MGA: variants seen among roughly 807,000 people sequenced by gnomAD.
MGA encodes the protein MAX gene-associated protein.
Under a neutral mutation model 261.1 loss-of-function variants are expected in MGA, and 40 were observed. That is an observed-to-expected ratio of 0.15 (90% CI 0.12 to 0.20). The LOEUF is 0.20. Among genes scored for constraint, MGA ranks in the 10% least tolerant of loss-of-function variants. MGA has a pLI of 1.00. For synonymous variants in MGA, 1,302 were observed against 1,290.6 expected, an observed-to-expected ratio of 1.01 and a Z score of -0.19; for missense variants, 3,397 against 3,630.5, an observed-to-expected ratio of 0.94 and a Z score of 1.65.
rs533893421 is a variant in MGA, at chr15:41,683,826, C to T, written c.1065-12249C>T. Among the ~76,000 whole-genome samples the T allele has an allele frequency of 6.3e-4, 96 of 152,048 alleles. 1 individual carries two copies. The highest frequency in any genetic ancestry group is 2.3e-3 in the African/African-American group (94 of 41,482). On this transcript the variant is annotated intron_variant, in intron 2 of 23. Transcript: ENST00000219905. ...GAACTCCTGAGCTCAAGCAATCTGCCCGTCTTGACCTCACAAACTGCTGGG... is the reference window on the plus strand; with the variant it reads ...GAACTCCTGAGCTCAAGCAATCTGCTCGTCTTGACCTCACAAACTGCTGGG...
intron 2 of MGA, among the ~76,000 whole-genome samples, chr15:41,677,141 C>G (rs566124371): frequency 7.2e-5 from 11 of 152,200 alleles, no homozygotes; most frequent in African/African-American, 2.6e-4. Flanking sequence ...AATGGAGTTA[C>G]GAATTCTTTT....
At chr15:41,763,697 C>T (rs1043630562) in intron 22 of MGA, among the ~76,000 whole-genome samples, 1 of 151,710 alleles carries the variant, frequency 6.6e-6, no homozygotes, top group Non-Finnish European at 1.5e-5. Context: ...GAGCTGAGAT[C>T]ACACCATTGC....
chr15:41,748,265 A>C (rs76522043), intron 15 of MGA, among the ~76,000 whole-genome samples: 1 of 151,606 alleles, frequency 6.6e-6, no homozygotes, highest in African/African-American at 2.4e-5. Flanking sequence ...AAAAAAAAAA[A>C]ATATAGACTG....
intron 9 of MGA, among the ~76,000 whole-genome samples, chr15:41,726,194 A>T (rs188966052): frequency 2.6e-5 from 4 of 152,268 alleles, no homozygotes; most frequent in African/African-American, 7.2e-5. Flanking sequence ...CTCTGGAGCC[A>T]GATAGACAGG....
intron 1 of MGA, among the ~76,000 whole-genome samples, chr15:41,624,733 G>T (rs1466283626): frequency 1.3e-5 from 2 of 152,162 alleles, no homozygotes; most frequent in Non-Finnish European, 2.9e-5. Context: ...GCCTCCTAAA[G>T]TGCTGGGATT....
chr15:41,704,573 G>T (rs1247420517), intron 5 of MGA, among the ~76,000 whole-genome samples: 6 of 152,178 alleles, frequency 3.9e-5, no homozygotes, highest in Non-Finnish European at 1.5e-5. Context: ...CAGGAGAATG[G>T]CTTGAACCTG....
chr15:41,683,419 A>G (rs2058778004), intron 2 of MGA, among the ~76,000 whole-genome samples: 1 of 151,918 alleles, frequency 6.6e-6, no homozygotes, highest in Non-Finnish European at 1.5e-5. Flanking sequence ...TTTTGTAGAT[A>G]CAAGGTCTCA....
At position 41,760,400 on chromosome 15, in the gene MGA, T is replaced by C; in HGVS notation, c.7269T>C (p.Tyr2423=). 6.2e-7 allele frequency: 1 copy of C among 1,614,020 alleles called. No homozygotes were observed. Among genetic ancestry groups the C allele is most frequent in the South Asian group, 1.1e-5 (1 of 91,080 alleles). ...AGAAAGAAGCAGAAGCGTTTGCTTA[T>C]TATCGCCGGACACACACTGCCAATG... The change falls in exon 20 of 24, where the codon TAT becomes TAC. Residue 2423 remains tyrosine, a synonymous_variant. Transcript: ENST00000219905.
chr15:41,660,122 G>C (rs1193726822), upstream of MGA, among the ~76,000 whole-genome samples: 2 of 152,252 alleles, frequency 1.3e-5, no homozygotes, highest in African/African-American at 4.8e-5. Context: ...TGGTTTCACA[G>C]TTTCCACGAA....
At chr15:41,710,662 T>TTA in intron 7 of MGA, 29 bp from the exon 8 acceptor site, 1 of 1,559,816 alleles carries the variant, frequency 6.4e-7, no homozygotes, top group Non-Finnish European at 8.7e-7. Context: ...CTAGATTTCT[T>TTA]TAAGCATTTT....
intron 1 of MGA, among the ~76,000 whole-genome samples, chr15:41,668,595 A>G (rs1260887344): frequency 6.6e-6 from 1 of 152,196 alleles, no homozygotes; most frequent in African/African-American, 2.4e-5. Context: ...TTAGAGGATT[A>G]GGATATAAGC....
Position 41,708,222 on chromosome 15 carries a change from T to C in MGA, c.2425+14T>C. ...CTAGGAATGAAGGTAATTAGTTTTT[T>C]AAAATTTTTTAAATGTTCTGAAACA... On this transcript the variant is annotated intron_variant, in intron 7 of 23. Coordinates refer to ENST00000219905, the MANE Select transcript of MGA (RefSeq NM_001164273.2). The C allele has an allele frequency of 6.7e-7, 1 of 1,500,384 alleles. No individual in the cohort carries two copies. Among genetic ancestry groups the C allele is most frequent in the South Asian group, 1.3e-5 (1 of 79,638 alleles). 92.9% of individuals were successfully genotyped at this position (1,500,384 alleles called of 1,614,324 possible).
At chr15:41,697,099 G>T in intron 3 of MGA, 76 bp downstream of exon 3, 3 of 1,203,990 alleles carry the variant, frequency 2.5e-6, no homozygotes, top group Non-Finnish European at 3.4e-6. Context: ...TAAGTAACTC[G>T]ATTTACAATC....
At position 41,766,672 on chromosome 15, in the gene MGA, A is replaced by G. The variant is rs1430141958; in HGVS notation, c.8590A>G (p.Ile2864Val). The G allele has an allele frequency of 6.2e-7, 1 of 1,613,964 alleles. No homozygotes were observed. The highest frequency in any genetic ancestry group is 8.5e-7 in the Non-Finnish European group (1 of 1,179,886). ...CCCAGGGGATGCTCGGCGGGCTTTTATTAGTAAGGTTCCTCCTGGAAGCAG... is the reference window on the plus strand; with the variant it reads ...CCCAGGGGATGCTCGGCGGGCTTTTGTTAGTAAGGTTCCTCCTGGAAGCAG... Residue 2864 changes from isoleucine (I) to valine (V), a missense_variant, in exon 24 of 24, where the codon ATT becomes GTT. Coordinates refer to ENST00000219905, the MANE Select transcript of MGA (RefSeq NM_001164273.2).
At chr15:41,684,363 CTGT>C (rs2058834711) in intron 2 of MGA, 1 of 450,556 alleles carries the variant, frequency 2.2e-6, no homozygotes, top group Non-Finnish European at 4.4e-6. Context: ...TTTTAATTAA[CTGT>C]TGTTTGTAAT....
intron 14 of MGA, among the ~76,000 whole-genome samples, chr15:41,741,146 A>C (rs1215099380): frequency 6.6e-6 from 1 of 152,142 alleles, no homozygotes; most frequent in Non-Finnish European, 1.5e-5. Flanking sequence ...CAAGAGATAG[A>C]GACCATCCTG....
At chr15:41,677,090 G>T (rs988006295) in intron 2 of MGA, among the ~76,000 whole-genome samples, 5 of 152,162 alleles carry the variant, frequency 3.3e-5, no homozygotes, top group Non-Finnish European at 7.3e-5. Context: ...TTATCTGTTG[G>T]TGGACACTTG....
intron 1 of MGA, among the ~76,000 whole-genome samples, chr15:41,629,648 C>T (rs922248246): frequency 3.3e-5 from 5 of 151,762 alleles, no homozygotes; most frequent in Admixed American, 6.6e-5. Context: ...AGGATTACTT[C>T]AGCCTGGGTG....
At position 41,696,772 on chromosome 15, in the gene MGA, A is replaced by C; in HGVS notation, c.1762A>C (p.Thr588Pro). Residue 588 changes from threonine (T) to proline (P), a missense_variant, in exon 3 of 24, where the codon ACA becomes CCA. By Grantham distance (38) the Thr-to-Pro change is conservative (BLOSUM62 -1). Transcript: ENST00000219905. ...AAAAGAGGACTTGGGCAGAAAGAGA[A>C]CAACTATGCTTAAGATTGCAACAGC... 3 of 1,608,970 alleles carry C rather than the reference A, an allele frequency of 1.9e-6. No homozygotes were observed. The highest frequency in any genetic ancestry group is 2.5e-6 in the Non-Finnish European group (3 of 1,177,536).
Sources: allele counts gnomAD v4.1 joint callset (sites outside exome capture counted in the v4.1 genomes callset), GRCh38; gene constraint gnomAD v4.1.1; transcripts MANE v1.5; gene names NCBI Gene and HGNC (gene_info 2026-07-23, HGNC 2026-07-21).